GKAP1: variants seen among roughly 807,000 people sequenced by gnomAD.
GKAP1 encodes the protein G kinase-anchoring protein 1.
Under a neutral mutation model 56.7 loss-of-function variants are expected in GKAP1, and 31 were observed. That is an observed-to-expected ratio of 0.55 (90% CI 0.41 to 0.74). The LOEUF (loss-of-function observed/expected upper bound fraction) is 0.74. Among genes scored for constraint, GKAP1 ranks in the 30% least tolerant of loss-of-function variants. GKAP1 has a pLI of 0.00. For missense variants in GKAP1, 364 were observed against 402.3 expected, an observed-to-expected ratio of 0.90 and a Z score of 0.82; for synonymous variants, 151 against 138.6, an observed-to-expected ratio of 1.09 and a Z score of -0.63.
chr9:83,741,095 C>G (rs943434110), intron 12 of GKAP1, among the ~76,000 whole-genome samples: 21 of 151,852 alleles, frequency 1.4e-4, no homozygotes, highest in Middle Eastern at 3.4e-3. Context: ...AGATACCCAC[C>G]CACTATACAT....
At chr9:83,801,886 G>A (rs1283845371) in intron 3 of GKAP1, among the ~76,000 whole-genome samples, 1 of 152,112 alleles carries the variant, frequency 6.6e-6, no homozygotes, top group Non-Finnish European at 1.5e-5. Flanking sequence ...TTACTGTGTG[G>A]ATAGCATTTT....
intron 3 of GKAP1, 141 bp from the exon 4 acceptor site, chr9:83,799,469 A>G: frequency 1.7e-6 from 1 of 598,804 alleles, no homozygotes; most frequent in Non-Finnish European, 2.8e-6. Context: ...AGCTAAAGTT[A>G]TTATTTGTGT....
At chr9:83,741,888 C>G (rs1254954132) in intron 12 of GKAP1, 64 bp downstream of exon 12, 2 of 969,376 alleles carry the variant, frequency 2.1e-6, no homozygotes, top group East Asian at 5.0e-5. Flanking sequence ...CATTTATTCT[C>G]ACACAGTATC....
chr9:83,798,051 T>A (rs1009435311), intron 4 of GKAP1, among the ~76,000 whole-genome samples: 2 of 152,188 alleles, frequency 1.3e-5, no homozygotes, highest in African/African-American at 4.8e-5. Flanking sequence ...CATGGCTCTA[T>A]AGTAATAATT....
intron 4 of GKAP1, among the ~76,000 whole-genome samples, chr9:83,795,126 A>G (rs1249522452): frequency 6.9e-6 from 1 of 145,258 alleles, no homozygotes; most frequent in African/African-American, 2.5e-5. Context: ...ACTGCACTCC[A>G]GTCTGGGCGA....
intron 4 of GKAP1, among the ~76,000 whole-genome samples, chr9:83,796,426 T>C (rs907595881): frequency 6.6e-6 from 1 of 152,198 alleles, no homozygotes; most frequent in African/African-American, 2.4e-5. Flanking sequence ...AAGTTTTTAA[T>C]CTGCTATGAT....
intron 10 of GKAP1, among the ~76,000 whole-genome samples, chr9:83,743,526 C>T (rs924095423): frequency 7.3e-5 from 11 of 151,486 alleles, no homozygotes; most frequent in African/African-American, 2.7e-4. Context: ...ACCCATGAGG[C>T]GGAGGCTGCA....
In GKAP1 at chr9:83,745,210, T is replaced by C. The variant is rs76173844; in HGVS notation, c.905-2610A>G. Among the ~76,000 whole-genome samples, 779 of 152,148 alleles carry C rather than the reference T, an allele frequency of 5.1e-3. 19 individuals are homozygous for C. In the East Asian group the frequency reaches 0.08, roughly 16 times the overall value. ...CATGCCAGGATAATTTTTGTACATATAATTTTTGAGACAAGGTTTTGTCAT... is the reference window on the plus strand; with the variant it reads ...CATGCCAGGATAATTTTTGTACATACAATTTTTGAGACAAGGTTTTGTCAT... On this transcript the variant is annotated intron_variant, in intron 10 of 12. Coordinates refer to ENST00000376371, the MANE Select transcript of GKAP1 (RefSeq NM_025211.4).
At chr9:83,782,682 T>A (rs560791955) in intron 6 of GKAP1, among the ~76,000 whole-genome samples, 1 of 141,652 alleles carries the variant, frequency 7.1e-6, no homozygotes, top group African/African-American at 2.6e-5. Context: ...TTTTTTTTTT[T>A]AAAGATGAAG....
rs778923783 is a variant in GKAP1 at position 83,780,419 on chromosome 9, GAAAC to G, written c.563-19_563-16del. The stretch of plus-strand genomic sequence containing the variant: ...ACTAATGTGATCTGTAAATGAAAAA[GAAAC>G]AAAGATGAAACTTTATTGAAGGAAT... On this transcript the variant is annotated splice_polypyrimidine_tract_variant and intron_variant, in intron 6 of 12. Coordinates refer to ENST00000376371, the MANE Select transcript of GKAP1 (RefSeq NM_025211.4). 9.0e-6 allele frequency: 5 copies of G among 552,554 alleles called. No homozygotes were observed. In the South Asian group the frequency reaches 1.7e-4, roughly 19 times the overall value. The allele number at this position is 552,554 out of a possible 1,614,324, so 34.2% of individuals were successfully genotyped here. A position where few individuals can be genotyped will look rare whatever the true frequency, so the allele number is the denominator to read the frequency against.
At chr9:83,784,907 T>C in intron 5 of GKAP1, 69 bp from the exon 6 acceptor site, 5 of 1,181,824 alleles carry the variant, frequency 4.2e-6, no homozygotes, top group African/African-American at 1.6e-5. Flanking sequence ...CAACAGGTAA[T>C]ATGTTTCTTA....
intron 10 of GKAP1, among the ~76,000 whole-genome samples, chr9:83,746,633 G>A (rs985572652): frequency 6.6e-6 from 1 of 152,100 alleles, no homozygotes; most frequent in African/African-American, 2.4e-5. Flanking sequence ...AACCTGGGAG[G>A]CGGAGCTTGC....
intron 7 of GKAP1, among the ~76,000 whole-genome samples, chr9:83,778,509 C>T (rs1943899078): frequency 6.6e-6 from 1 of 151,830 alleles, no homozygotes; most frequent in Non-Finnish European, 1.5e-5. Flanking sequence ...CACATGGACA[C>T]ATAGAGGGGA....
At chr9:83,796,922 T>C (rs554315962) in intron 4 of GKAP1, among the ~76,000 whole-genome samples, 258 of 152,312 alleles carry the variant, frequency 1.7e-3, no homozygotes, top group Admixed American at 5.3e-3. Context: ...AAGCAAAACA[T>C]AGATGCTATC....
intron 6 of GKAP1, among the ~76,000 whole-genome samples, chr9:83,784,406 T>G (rs952255869): frequency 6.6e-6 from 1 of 152,226 alleles, no homozygotes; most frequent in African/African-American, 2.4e-5. Context: ...GGCCCCCTTT[T>G]GCTCTCACTC....
intron 5 of GKAP1, among the ~76,000 whole-genome samples, chr9:83,786,604 T>A (rs1372623400): frequency 6.6e-6 from 1 of 152,132 alleles, no homozygotes; most frequent in African/African-American, 2.4e-5. Flanking sequence ...AAACTTTAGT[T>A]ATCTGTTATA....
In GKAP1 at chr9:83,805,009, A is replaced by G. The variant is rs1353316077; in HGVS notation, c.216+1293T>C. Reference sequence around the variant, plus strand: ...GAGAACGGGCCGGGATGACAATGGCAGTTTTGTGGAATAGAAGGGGGGGAA... The same window carrying G: ...GAGAACGGGCCGGGATGACAATGGCGGTTTTGTGGAATAGAAGGGGGGGAA... On this transcript the variant is annotated intron_variant, in intron 3 of 12. Transcript: ENST00000376371. Among the ~76,000 whole-genome samples the G allele has an allele frequency of 2.0e-5, 3 of 152,238 alleles. No homozygotes were observed. The East Asian group carries it at 5.8e-4, about 29-fold the overall frequency.
chr9:83,755,223 C>T (rs1303489250), intron 8 of GKAP1, among the ~76,000 whole-genome samples: 1 of 152,082 alleles, frequency 6.6e-6, no homozygotes, highest in Non-Finnish European at 1.5e-5. Flanking sequence ...CAACAAAAAA[C>T]TGGACATCAG....
rs533773230 is a variant in GKAP1 at position 83,807,149 on chromosome 9, G to T, written c.-43-589C>A. Among the ~76,000 whole-genome samples, 35 of 152,318 alleles carry T rather than the reference G, an allele frequency of 2.3e-4. 1 individual carries two copies. The highest frequency in any genetic ancestry group is 8.3e-4 in the South Asian group (4 of 4,830). ...TTATGTTTAGTTCACTAGTTTCCAT[G>T]CAAGCATAGGTCAGTGTAGCTTCAT... On this transcript the variant is annotated intron_variant, in intron 2 of 12. Transcript: ENST00000376371.
Sources: allele counts gnomAD v4.1 joint callset (sites outside exome capture counted in the v4.1 genomes callset), GRCh38; gene constraint gnomAD v4.1.1; transcripts MANE v1.5; gene names NCBI Gene and HGNC (gene_info 2026-07-23, HGNC 2026-07-21).